The following GPR39 variants were observed in gnomAD, a reference collection of about 807,000 sequenced individuals.
The protein encoded by GPR39 is G protein-coupled receptor 39, also known as zinc sensing receptor.
In GPR39, 23 loss-of-function variants were observed where a neutral mutation model predicts 18.4. The ratio of observed to expected loss-of-function variants is 1.25; its 90% CI spans 0.90 to 1.77. The LOEUF (loss-of-function observed/expected upper bound fraction) is 1.77. Ranked by LOEUF, GPR39 falls within the 40% of genes most tolerant of loss-of-function variation. GPR39 has a pLI of 0.00. For missense variants in GPR39, 647 were observed against 602.4 expected (o/e 1.07, Z -0.78); for synonymous variants, 280 against 257.9 (o/e 1.09, Z -0.82).
Position 132,645,807 on chromosome 2 carries a change from G to T in GPR39, c.*201G>T. 1.3e-6 allele frequency: 1 copy of T among 745,472 alleles called. No individual in the cohort carries two copies. Among genetic ancestry groups the T allele is most frequent in the Admixed American group, 3.1e-5 (1 of 32,346 alleles). 46.2% of individuals were successfully genotyped at this position (745,472 alleles called of 1,614,324 possible). On this transcript the variant is annotated 3_prime_UTR_variant, in exon 2 of 2. Transcript: ENST00000329321. ...TTGACTCCGGTTACACAGACATGGG[G>T]GTGAACTTTCACTCCACCTCCTTCC... is the stretch of plus-strand genomic sequence containing the variant.
At chr2:132,545,777 G>C (rs1483568420) in intron 1 of GPR39, among the ~76,000 whole-genome samples, 9 of 152,228 alleles carry the variant, frequency 5.9e-5, no homozygotes, top group Admixed American at 3.9e-4. Flanking sequence ...AGATCAGTCA[G>C]TCTGGGGGCA....
At chr2:132,547,424 C>T (rs757648646) in intron 1 of GPR39, among the ~76,000 whole-genome samples, 11 of 152,170 alleles carry the variant, frequency 7.2e-5, no homozygotes, top group Non-Finnish European at 1.2e-4. Flanking sequence ...CTGGGACTGT[C>T]ACACCCACCA....
Position 132,457,071 on chromosome 2 carries a change from T to G in GPR39, c.856+39173T>G, listed in dbSNP as rs541067793. Among the ~76,000 whole-genome samples, 39 of 152,308 alleles carry G rather than the reference T, an allele frequency of 2.6e-4. No individual in the cohort carries two copies. The South Asian group carries it at 7.9e-3, about 31-fold the overall frequency. ...TTCTCCTGGATAATATCCTGAAGAG[T>G]GTTTTCCAACTTGGTTCCATTCTTC... is the stretch of plus-strand genomic sequence containing the variant. On this transcript the variant is annotated intron_variant, in intron 1 of 1. Coordinates refer to ENST00000329321, the MANE Select transcript of GPR39 (RefSeq NM_001508.3).
At chr2:132,527,118 C>A (rs888478186) in intron 1 of GPR39, among the ~76,000 whole-genome samples, 1 of 152,110 alleles carries the variant, frequency 6.6e-6, no homozygotes, top group African/African-American at 2.4e-5. Context: ...CACCCACCGT[C>A]AGGCCCTGGT....
intron 1 of GPR39, among the ~76,000 whole-genome samples, chr2:132,498,288 G>T (rs1487668117): frequency 6.6e-6 from 1 of 152,100 alleles, no homozygotes; most frequent in Admixed American, 6.5e-5. Flanking sequence ...TTATGCCTTT[G>T]CATCCTCATA....
At chr2:132,575,124 C>T (rs902367320) in intron 1 of GPR39, among the ~76,000 whole-genome samples, 9 of 152,002 alleles carry the variant, frequency 5.9e-5, no homozygotes, top group South Asian at 2.1e-4. Flanking sequence ...CATTTTATAT[C>T]AGTACATAAA....
intron 1 of GPR39, among the ~76,000 whole-genome samples, chr2:132,504,657 C>G (rs1022022527): frequency 6.6e-6 from 1 of 152,116 alleles, no homozygotes; most frequent in African/African-American, 2.4e-5. Flanking sequence ...TTAGCTCCTA[C>G]TAGTGGCATT....
intron 1 of GPR39, among the ~76,000 whole-genome samples, chr2:132,503,443 G>A (rs187230365): frequency 2.6e-4 from 39 of 152,318 alleles, no homozygotes; most frequent in South Asian, 1.2e-3. Context: ...TCTTCCAGTC[G>A]TGGATACCAG....
chr2:132,526,182 G>C (rs1341685197), intron 1 of GPR39, among the ~76,000 whole-genome samples: 1 of 152,168 alleles, frequency 6.6e-6, no homozygotes, highest in Non-Finnish European at 1.5e-5. Flanking sequence ...TGTAATGACA[G>C]GACACTTCCC....
In GPR39 at chr2:132,646,105, C is replaced by A; in HGVS notation, c.*499C>A. ...ACAGGATGGTGGTGCGGAGCCCTGG[C>A]CTGAGGGCCGAGGCAGAACTTCCCC... On this transcript the variant is annotated 3_prime_UTR_variant, in exon 2 of 2. Coordinates refer to ENST00000329321, the MANE Select transcript of GPR39 (RefSeq NM_001508.3). The A allele has an allele frequency of 6.2e-7, 1 of 1,607,994 alleles. No individual in the cohort carries two copies. Among genetic ancestry groups the A allele is most frequent in the Non-Finnish European group, 8.5e-7 (1 of 1,176,756 alleles).
chr2:132,557,869 G>A (rs952501726), intron 1 of GPR39, among the ~76,000 whole-genome samples: 4 of 152,238 alleles, frequency 2.6e-5, no homozygotes, highest in South Asian at 2.1e-4. Flanking sequence ...CGCCCGGGGG[G>A]GCTGTAATCA....
chr2:132,614,529 G>A (rs6752416), intron 1 of GPR39, among the ~76,000 whole-genome samples: 27,588 of 149,168 alleles, frequency 0.18, 2,608 homozygotes, highest in Admixed American at 0.23. Flanking sequence ...ATGAGCCACC[G>A]CACCCAGCCA....
At chr2:132,613,315 T>G (rs1681267193) in intron 1 of GPR39, among the ~76,000 whole-genome samples, 1 of 152,270 alleles carries the variant, frequency 6.6e-6, no homozygotes, top group African/African-American at 2.4e-5. Context: ...TATATAAAAC[T>G]TAAATAACTC....
At chr2:132,577,768 T>A (rs1680554464) in intron 1 of GPR39, among the ~76,000 whole-genome samples, 1 of 152,202 alleles carries the variant, frequency 6.6e-6, no homozygotes, top group Non-Finnish European at 1.5e-5. Flanking sequence ...ATTCTAGATT[T>A]TTTTTGGTAA....
Position 132,417,950 on chromosome 2 carries a change from C to G in GPR39, c.856+52C>G, listed in dbSNP as rs375187780. On this transcript the variant is annotated intron_variant, in intron 1 of 1. Transcript: ENST00000329321. ...TGAGCAGCTTCCCAACCTTCCCCCA[C>G]GACCCGTGCCACTGCCTGTGGCCCT... is the stretch of plus-strand genomic sequence containing the variant. 4.6e-6 allele frequency: 7 copies of G among 1,525,696 alleles called. No homozygotes were observed. The Admixed American group carries it at 9.5e-5, about 21-fold the overall frequency. The allele number at this position is 1,525,696 out of a possible 1,614,324, so 94.5% of individuals were successfully genotyped here. A position where few individuals can be genotyped will look rare whatever the true frequency, so the allele number is the denominator to read the frequency against.
At chr2:132,601,159 G>A (rs1681036483) in intron 1 of GPR39, among the ~76,000 whole-genome samples, 1 of 151,958 alleles carries the variant, frequency 6.6e-6, no homozygotes, top group African/African-American at 2.4e-5. Flanking sequence ...AACCAGACAA[G>A]TACACACACC....
intron 1 of GPR39, among the ~76,000 whole-genome samples, chr2:132,493,034 TATATATACC>T (rs1179031968): frequency 1.5e-5 from 2 of 130,280 alleles, no homozygotes; most frequent in African/African-American, 6.1e-5. Flanking sequence ...ATATATACCA[TATATATACC>T]ATATATACCA....
At chr2:132,469,586 C>T (rs777459745) in intron 1 of GPR39, among the ~76,000 whole-genome samples, 3 of 152,162 alleles carry the variant, frequency 2.0e-5, no homozygotes, top group Admixed American at 1.3e-4. Context: ...TGTAAACGAC[C>T]CTCTGGTTAT....
intron 1 of GPR39, among the ~76,000 whole-genome samples, chr2:132,451,118 C>T (rs1049589096): frequency 6.6e-6 from 1 of 150,974 alleles, no homozygotes; most frequent in East Asian, 2.0e-4. Flanking sequence ...GCTCTGGAGG[C>T]TAGCTGAGAG....
Sources: allele counts gnomAD v4.1 joint callset (sites outside exome capture counted in the v4.1 genomes callset), GRCh38; gene constraint gnomAD v4.1.1; transcripts MANE v1.5; gene names NCBI Gene and HGNC (gene_info 2026-07-23, HGNC 2026-07-21).